The following BRINP3 variants were observed in gnomAD, a reference collection of about 807,000 sequenced individuals.
BRINP3 encodes BMP/retinoic acid inducible neural specific 3.
BRINP3 carries 19 observed loss-of-function variants against 71.0 expected under a neutral mutation model. That is an observed-to-expected ratio of 0.27 (90% confidence interval 0.19 to 0.39). The LOEUF (loss-of-function observed/expected upper bound fraction) is 0.39, where lower values mean the gene tolerates loss of function less well. Among genes scored for constraint, BRINP3 ranks in the 10% least tolerant of loss-of-function variants. The pLI, the probability that BRINP3 is intolerant of heterozygous loss-of-function variation, is 1.00. For synonymous variants in BRINP3, 380 were observed against 337.7 expected (o/e 1.13, Z -1.37); for missense variants, 959 against 940.8 (o/e 1.02, Z -0.25).
intron 6 of BRINP3, among the ~76,000 whole-genome samples, chr1:190,192,278 C>T (rs1654099220): frequency 6.6e-6 from 1 of 152,108 alleles, no homozygotes; most frequent in African/African-American, 2.4e-5. Context: ...AAGTCCTAAG[C>T]TTCATGTTTG....
At chr1:190,380,821 C>G (rs1353907980) in intron 2 of BRINP3, among the ~76,000 whole-genome samples, 1 of 152,012 alleles carries the variant, frequency 6.6e-6, no homozygotes, top group East Asian at 1.9e-4. Flanking sequence ...AAAAAAAACA[C>G]AATTTGTTCG....
chr1:190,276,099 T>C (rs1404577914), intron 3 of BRINP3, among the ~76,000 whole-genome samples: 1 of 151,544 alleles, frequency 6.6e-6, no homozygotes, highest in Non-Finnish European at 1.5e-5. Flanking sequence ...ATTTTGATTA[T>C]TTCCTAGGAT....
At chr1:190,339,005 A>AAAATAAAT (rs144106726) in intron 2 of BRINP3, among the ~76,000 whole-genome samples, 3,046 of 143,804 alleles carry the variant, frequency 0.021, 53 homozygotes, top group African/African-American at 0.041. Flanking sequence ...TTGCAAATGC[A>AAAATAAAT]AAATAAATAA....
chr1:190,337,117 T>TTGAG (rs1667341332), intron 2 of BRINP3, among the ~76,000 whole-genome samples: 1 of 151,904 alleles, frequency 6.6e-6, no homozygotes, highest in Non-Finnish European at 1.5e-5. Context: ...TGAAGTTATG[T>TTGAG]TTAACACTCA....
intron 7 of BRINP3, among the ~76,000 whole-genome samples, chr1:190,106,720 T>C (rs1293626776): frequency 6.6e-6 from 1 of 151,702 alleles, no homozygotes; most frequent in African/African-American, 2.4e-5. Context: ...TGCACAATGA[T>C]TTAATACTTT....
chr1:190,237,067 C>T (rs1658594683), intron 4 of BRINP3, among the ~76,000 whole-genome samples: 1 of 151,944 alleles, frequency 6.6e-6, no homozygotes, highest in African/African-American at 2.4e-5. Context: ...CTGTTGTTGT[C>T]AATTCATGTA....
Position 190,354,493 on chromosome 1 carries a change from G to A in BRINP3, c.237-72743C>T, listed in dbSNP as rs544404977. Among the ~76,000 whole-genome samples the A allele has an allele frequency of 6.2e-4, 94 of 151,964 alleles. 2 individuals carry two copies. The South Asian group carries it at 0.019, about 31-fold the overall frequency. ...GTCACTTAAAAGGTGTTTCATAAAT[G>A]CATACTAAATGAATGTAAATAAATA... is the stretch of plus-strand genomic sequence containing the variant. On this transcript the variant is annotated intron_variant, in intron 2 of 7. Transcript: ENST00000367462.
chr1:190,354,844 A>C lies in BRINP3; in HGVS notation c.237-73094T>G, dbSNP rs191898474. 9.9e-5 allele frequency among the ~76,000 whole-genome samples: 15 copies of C among 151,478 alleles called. No individual in the cohort carries two copies. In the East Asian group the frequency reaches 2.7e-3, roughly 28 times the overall value. On this transcript the variant is annotated intron_variant, in intron 2 of 7. Coordinates refer to ENST00000367462, the MANE Select transcript of BRINP3 (RefSeq NM_199051.3). ...TTTGTACAGAAACCAGTGATCATTT[A>C]AAAAATATATTGATCCTGTATACCT...
At chr1:190,409,428 T>A (rs1373337227) in intron 2 of BRINP3, among the ~76,000 whole-genome samples, 1 of 152,328 alleles carries the variant, frequency 6.6e-6, no homozygotes, top group East Asian at 1.9e-4. Flanking sequence ...TTTCTAGAAC[T>A]GGATCTCCTT....
chr1:190,433,845 T>C (rs1674269560), intron 2 of BRINP3, among the ~76,000 whole-genome samples: 1 of 152,152 alleles, frequency 6.6e-6, no homozygotes, highest in African/African-American at 2.4e-5. Flanking sequence ...TTGCCACTTA[T>C]AAAGGTGAGA....
intron 2 of BRINP3, among the ~76,000 whole-genome samples, chr1:190,447,628 A>C (rs1249823993): frequency 1.3e-5 from 2 of 149,246 alleles, no homozygotes; most frequent in African/African-American, 4.9e-5. Flanking sequence ...CTCTCTATAT[A>C]TATATACTAC....
At chr1:190,381,268 C>CCAAAA (rs199595359) in intron 2 of BRINP3, among the ~76,000 whole-genome samples, 3 of 143,008 alleles carry the variant, frequency 2.1e-5, no homozygotes, top group East Asian at 3.9e-4. Flanking sequence ...TTTCCCTCCA[C>CCAAAA]CAAAACAAAA....
intron 2 of BRINP3, among the ~76,000 whole-genome samples, chr1:190,413,220 C>T (rs1036339336): frequency 5.9e-5 from 9 of 151,676 alleles, no homozygotes; most frequent in East Asian, 1.9e-4. Flanking sequence ...TGCACCTGTG[C>T]GTGTGTTTTG....
chr1:190,367,436 TC>T (rs1669581553), intron 2 of BRINP3, among the ~76,000 whole-genome samples: 1 of 152,174 alleles, frequency 6.6e-6, no homozygotes, highest in South Asian at 2.1e-4. Flanking sequence ...CTCCTAGGCC[TC>T]CAGGCCTGTG....
intron 6 of BRINP3, among the ~76,000 whole-genome samples, chr1:190,211,853 TA>T (rs1210174428): frequency 6.6e-6 from 1 of 152,124 alleles, no homozygotes; most frequent in Non-Finnish European, 1.5e-5. Context: ...GCAAGGATGA[TA>T]TTCATAATAT....
At chr1:190,256,192 G>A in intron 4 of BRINP3, among the ~76,000 whole-genome samples, 1 of 152,170 alleles carries the variant, frequency 6.6e-6, no homozygotes, top group South Asian at 2.1e-4. Flanking sequence ...TTCCAACTCT[G>A]TGGTCAACTT....
chr1:190,289,743 C>A (rs1283109541), intron 2 of BRINP3, among the ~76,000 whole-genome samples: 2 of 151,952 alleles, frequency 1.3e-5, no homozygotes, highest in Non-Finnish European at 2.9e-5. Context: ...ATATTACCTG[C>A]TTCATATGAA....
intron 7 of BRINP3, among the ~76,000 whole-genome samples, chr1:190,116,848 C>G (rs932359225): frequency 2.0e-5 from 3 of 151,986 alleles, no homozygotes; most frequent in African/African-American, 7.2e-5. Context: ...CCTTATGTGA[C>G]TTAGAATTTC....
At chr1:190,323,168 ACCTGGTCTAG>A (rs761867950) in intron 2 of BRINP3, among the ~76,000 whole-genome samples, 1 of 152,062 alleles carries the variant, frequency 6.6e-6, no homozygotes, top group Non-Finnish European at 1.5e-5. Flanking sequence ...TCTTTCACAT[ACCTGGTCTAG>A]GTAGTGCAAA....
Sources: gnomAD v4.1 joint callset for allele counts (sites outside exome capture counted in the v4.1 genomes callset) on GRCh38, gnomAD v4.1.1 for gene constraint, MANE v1.5 for transcripts, NCBI Gene and HGNC (gene_info 2026-07-23, HGNC 2026-07-21) for gene names.